The following ADAMTSL3 variants were observed in gnomAD, a reference collection of about 807,000 sequenced individuals.
ADAMTSL3 encodes ADAMTS like 3.
Under a neutral mutation model 201.7 loss-of-function variants are expected in ADAMTSL3, and 128 were observed. The ratio of observed to expected loss-of-function variants is 0.63; its 90% CI spans 0.55 to 0.73. ADAMTSL3 has a LOEUF of 0.73. Among genes scored for constraint, ADAMTSL3 ranks in the 30% least tolerant of loss-of-function variants. The pLI is 0.00. For missense variants in ADAMTSL3, 1,990 were observed against 2,119.6 expected, an observed-to-expected ratio of 0.94 and a Z score of 1.20; for synonymous variants, 738 against 748.4, an observed-to-expected ratio of 0.99 and a Z score of 0.23.
intron 9 of ADAMTSL3, among the ~76,000 whole-genome samples, chr15:83,872,771 T>G (rs1275483557): frequency 1.4e-5 from 2 of 146,486 alleles, no homozygotes; most frequent in Admixed American, 1.3e-4. Flanking sequence ...CAAGATATTG[T>G]TTGGTTACAG....
At position 84,021,500 on chromosome 15, in the gene ADAMTSL3, C is replaced by A; in HGVS notation, c.4364C>A (p.Ala1455Asp). The change falls in exon 26 of 30, where the codon GCC becomes GAC. Residue 1455 changes from alanine (A) to aspartate (D), a missense_variant. Ala to Asp is a moderately radical substitution (Grantham distance 126, BLOSUM62 -2). Coordinates refer to ENST00000286744, the MANE Select transcript of ADAMTSL3 (RefSeq NM_207517.3). ...ARIQRPQCVM[A>D]NGQEVSEALC... Reference sequence around the variant, plus strand: ...ATTCAGAGACCCCAGTGTGTGATGGCCAATGGGCAGGAAGTGAGTGAGGCC... The same window carrying A: ...ATTCAGAGACCCCAGTGTGTGATGGACAATGGGCAGGAAGTGAGTGAGGCC... The A allele has an allele frequency of 1.2e-6, 2 of 1,614,072 alleles. No individual in the cohort carries two copies. The highest frequency in any genetic ancestry group is 1.7e-6 in the Non-Finnish European group (2 of 1,180,032).
chr15:83,695,768 A>C (rs1393805162), intron 2 of ADAMTSL3, among the ~76,000 whole-genome samples: 1 of 152,158 alleles, frequency 6.6e-6, no homozygotes, highest in Non-Finnish European at 1.5e-5. Flanking sequence ...GCCAAAGTAA[A>C]TGTATTTTAT....
intron 6 of ADAMTSL3, among the ~76,000 whole-genome samples, chr15:83,820,742 G>A (rs1179199869): frequency 6.6e-6 from 1 of 152,188 alleles, no homozygotes; most frequent in African/African-American, 2.4e-5. Flanking sequence ...AAATGTGACT[G>A]AGACATAAAC....
At chr15:83,961,284 G>T (rs553208481) in intron 19 of ADAMTSL3, among the ~76,000 whole-genome samples, 2 of 152,102 alleles carry the variant, frequency 1.3e-5, no homozygotes, top group African/African-American at 4.8e-5. Context: ...AAAGAACAAA[G>T]ATGTAAAATT....
chr15:83,839,038 G>A (rs1484307840), intron 7 of ADAMTSL3, among the ~76,000 whole-genome samples: 5 of 152,094 alleles, frequency 3.3e-5, no homozygotes, highest in African/African-American at 4.8e-5. Context: ...TTTGTTAACC[G>A]CTCCTTTAAA....
At chr15:83,929,757 CAGAG>C (rs745931124) in intron 17 of ADAMTSL3, among the ~76,000 whole-genome samples, 11 of 150,952 alleles carry the variant, frequency 7.3e-5, no homozygotes, top group African/African-American at 1.2e-4. Flanking sequence ...CACAGAGAGA[CAGAG>C]AGAGACAGAG....
At chr15:83,906,928 G>T (rs1388694885) in intron 15 of ADAMTSL3, among the ~76,000 whole-genome samples, 2 of 151,096 alleles carry the variant, frequency 1.3e-5, no homozygotes, top group East Asian at 3.9e-4. Flanking sequence ...ATTATCTGTA[G>T]GTTTTAAAAT....
intron 15 of ADAMTSL3, among the ~76,000 whole-genome samples, chr15:83,903,242 CTT>C (rs3044648): frequency 4.5e-5 from 6 of 133,442 alleles, no homozygotes; most frequent in Non-Finnish European, 4.7e-5. Context: ...GCTGCCAGAT[CTT>C]TTTTTTTTTT....
At chr15:83,864,044 C>G (rs976605873) in intron 8 of ADAMTSL3, among the ~76,000 whole-genome samples, 2 of 151,926 alleles carry the variant, frequency 1.3e-5, no homozygotes, top group Non-Finnish European at 2.9e-5. Flanking sequence ...ATATATACAC[C>G]CTCCCAAGAC....
At position 83,983,101 on chromosome 15, in the gene ADAMTSL3, T is replaced by C; in HGVS notation, c.3473T>C (p.Val1158Ala). 1 of 1,614,108 alleles carries C rather than the reference T, an allele frequency of 6.2e-7. No individual in the cohort carries two copies. The highest frequency in any genetic ancestry group is 8.5e-7 in the Non-Finnish European group (1 of 1,180,016). ...CAGCTCAGAGGGGAAACAGGGAGTG[T>C]GTCCCAAAGCTCGCATGCAAAAAAC... ...AAQLRGETGS[V>A]SQSSHAKNSG... Residue 1158 changes from valine to alanine, a missense_variant, in exon 21 of 30, where the codon GTG becomes GCG. Transcript: ENST00000286744.
chr15:83,857,226 C>T (rs2064754637), intron 7 of ADAMTSL3, among the ~76,000 whole-genome samples: 1 of 152,102 alleles, frequency 6.6e-6, no homozygotes, highest in Non-Finnish European at 1.5e-5. Context: ...TAACCCCTTT[C>T]CAAGATGTGA....
chr15:83,882,951 A>G lies in ADAMTSL3; in HGVS notation c.961-2150A>G, dbSNP rs576540900. ...CTTAAAATCTAGGAAATTCTAAGCA[A>G]TTATATCATTAAATATTGTCTCTTC... On this transcript the variant is annotated intron_variant, in intron 9 of 29. Coordinates refer to ENST00000286744, the MANE Select transcript of ADAMTSL3 (RefSeq NM_207517.3). Among the ~76,000 whole-genome samples the G allele has an allele frequency of 2.8e-4, 43 of 152,156 alleles. No homozygotes were observed. The East Asian group carries it at 4.2e-3, about 15-fold the overall frequency.
intron 3 of ADAMTSL3, among the ~76,000 whole-genome samples, chr15:83,764,829 A>G (rs1251870942): frequency 3.9e-5 from 6 of 152,094 alleles, no homozygotes; most frequent in Non-Finnish European, 7.3e-5. Context: ...GAAATAATGA[A>G]AAATGTTGTG....
chr15:83,778,555 A>T (rs1411890472), intron 4 of ADAMTSL3, among the ~76,000 whole-genome samples: 1 of 152,218 alleles, frequency 6.6e-6, no homozygotes, highest in East Asian at 1.9e-4. Context: ...TCCTTTTTAG[A>T]CAAGCAAATG....
chr15:84,014,864 A>G (rs1351636315), intron 24 of ADAMTSL3, 140 bp downstream of exon 24: 1 of 827,730 alleles, frequency 1.2e-6, no homozygotes, highest in East Asian at 2.7e-5. Flanking sequence ...CCTGCTTAAA[A>G]ACGAGCACTA....
At chr15:83,825,574 G>T (rs2141938834) in intron 6 of ADAMTSL3, among the ~76,000 whole-genome samples, 1 of 152,156 alleles carries the variant, frequency 6.6e-6, no homozygotes, top group South Asian at 2.1e-4. Flanking sequence ...AACTATGATT[G>T]TACCACTGTA....
intron 19 of ADAMTSL3, among the ~76,000 whole-genome samples, chr15:83,946,990 T>C (rs1020569248): frequency 2.0e-5 from 3 of 152,182 alleles, no homozygotes; most frequent in South Asian, 2.1e-4. Context: ...CCAAAAGCCA[T>C]TGGTGAGGCT....
rs72748603 is a variant in ADAMTSL3 at position 83,905,125 on chromosome 15, C to T, written c.1700+5394C>T. On this transcript the variant is annotated intron_variant, in intron 15 of 29. Transcript: ENST00000286744. ...TGTTTTGGAGATATTAAGTGGTGGA[C>T]AGTGATTCTATGGCACGTAAGACTA... 3.3e-3 allele frequency among the ~76,000 whole-genome samples: 497 copies of T among 152,252 alleles called. 1 individual carries two copies. The highest frequency in any genetic ancestry group is 6.0e-3 in the Non-Finnish European group (408 of 68,000).
chr15:83,744,170 AAAG>A (rs1302510653), intron 3 of ADAMTSL3, among the ~76,000 whole-genome samples: 1 of 152,236 alleles, frequency 6.6e-6, no homozygotes, highest in Non-Finnish European at 1.5e-5. Context: ...TATTTTAAAA[AAAG>A]GCAAATTTTC....
Sources: allele counts gnomAD v4.1 joint callset (sites outside exome capture counted in the v4.1 genomes callset), GRCh38; gene constraint gnomAD v4.1.1; transcripts MANE v1.5; gene names NCBI Gene and HGNC (gene_info 2026-07-23, HGNC 2026-07-21).